The following SULT2B1 variants were observed in gnomAD, a reference collection of about 807,000 sequenced individuals.
SULT2B1 encodes sulfotransferase family 2B member 1, also known as sulfotransferase 2B1.
A neutral mutation model predicts 33.2 loss-of-function variants in SULT2B1; 16 were observed. The observed-to-expected ratio is 0.48, with a 90% confidence interval of 0.33 to 0.73. The LOEUF (loss-of-function observed/expected upper bound fraction) is 0.73, where lower values mean the gene tolerates loss of function less well. SULT2B1 is among the 30% of genes least tolerant of loss of function. The pLI is 0.02. For missense variants in SULT2B1, 500 were observed against 506.0 expected, an observed-to-expected ratio of 0.99 and a Z score of 0.11; for synonymous variants, 186 against 200.5, an observed-to-expected ratio of 0.93 and a Z score of 0.61.
chr19:48,596,515 C>T lies in SULT2B1; in HGVS notation c.646-224C>T, dbSNP rs1210190709. On this transcript the variant is annotated intron_variant, in intron 5 of 6. Coordinates refer to ENST00000201586, the MANE Select transcript of SULT2B1 (RefSeq NM_177973.2). ...CCTGCTGTGACCTCTGCCCCAAGCC[C>T]ACCTATTCCCTCCCACCTAGAGAAC... The T allele has an allele frequency of 1.3e-5, 7 of 533,474 alleles. No individual in the cohort carries two copies. The East Asian group carries it at 2.1e-4, about 16-fold the overall frequency. The allele number at this position is 533,474 out of a possible 1,614,324, so 33.0% of individuals were successfully genotyped here.
At chr19:48,578,786 G>A (rs1973446930) in intron 2 of SULT2B1, among the ~76,000 whole-genome samples, 1 of 152,092 alleles carries the variant, frequency 6.6e-6, no homozygotes, top group South Asian at 2.1e-4. Context: ...TGAGGCAGGA[G>A]AATTGCTTGG....
chr19:48,582,030 G>A (rs1033771247), intron 2 of SULT2B1, among the ~76,000 whole-genome samples: 1 of 151,538 alleles, frequency 6.6e-6, no homozygotes, highest in Non-Finnish European at 1.5e-5. Context: ...TCAACCTCCC[G>A]AGTAGCTGGG....
At chr19:48,561,988 G>A (rs12611192) in intron 1 of SULT2B1, among the ~76,000 whole-genome samples, 22,491 of 151,882 alleles carry the variant, frequency 0.15, 1,914 homozygotes, top group East Asian at 0.39. Flanking sequence ...CATTGCTCAC[G>A]CCTGCAATCC....
chr19:48,557,551 AAAG>A (rs1200832352), intron 1 of SULT2B1, among the ~76,000 whole-genome samples: 2 of 151,868 alleles, frequency 1.3e-5, no homozygotes, highest in African/African-American at 4.8e-5. Context: ...AAAAAAGAAA[AAAG>A]AAATTTAATA....
intron 5 of SULT2B1, among the ~76,000 whole-genome samples, chr19:48,594,400 T>C (rs1024746737): frequency 6.6e-6 from 1 of 152,242 alleles, no homozygotes; most frequent in African/African-American, 2.4e-5. Flanking sequence ...ACATGGCTCT[T>C]GCCTGCAGAC....
intron 2 of SULT2B1, among the ~76,000 whole-genome samples, chr19:48,579,858 C>T (rs1973463604): frequency 6.6e-6 from 1 of 151,490 alleles, no homozygotes; most frequent in Admixed American, 6.6e-5. Flanking sequence ...CCACCTGCCT[C>T]AGCTTCCCGA....
At chr19:48,558,679 CT>C (rs869189397) in intron 1 of SULT2B1, among the ~76,000 whole-genome samples, 3,085 of 106,118 alleles carry the variant, frequency 0.029, 34 homozygotes, top group Middle Eastern at 0.12. Context: ...CTTTTCTTTT[CT>C]TTTTTTTTTT....
At position 48,576,048 on chromosome 19, in the gene SULT2B1, A is replaced by C. The variant is rs753662500; in HGVS notation, c.179A>C (p.Asp60Ala). The change falls in exon 2 of 7, where the codon GAC (aspartate) becomes GCC (alanine). Residue 60 changes from aspartate to alanine, a missense_variant. Transcript: ENST00000201586. ...SLAENTQDVR[D>A]DDIFIITYPK... The stretch of plus-strand genomic sequence containing the variant: ...GCGGAGAACACCCAAGATGTGCGGG[A>C]CGACGACATCTTTATCATCACCTAC... 6.2e-7 allele frequency: 1 copy of C among 1,613,538 alleles called. No homozygotes were observed. Among genetic ancestry groups the C allele is most frequent in the Admixed American group, 1.7e-5 (1 of 59,974 alleles).
intron 2 of SULT2B1, among the ~76,000 whole-genome samples, chr19:48,583,935 A>T (rs1332373525): frequency 6.6e-6 from 1 of 152,160 alleles, no homozygotes; most frequent in African/African-American, 2.4e-5. Flanking sequence ...AACATGGTGA[A>T]ACCCTGTCTC....
intron 2 of SULT2B1, among the ~76,000 whole-genome samples, chr19:48,582,712 G>A (rs10420892): frequency 0.22 from 34,040 of 151,506 alleles, 4,944 homozygotes; most frequent in African/African-American, 0.42. Context: ...GCATGGTGGT[G>A]CGCGCCTGTG....
At chr19:48,558,707 A>G (rs1211171648) in intron 1 of SULT2B1, among the ~76,000 whole-genome samples, 2 of 115,418 alleles carry the variant, frequency 1.7e-5, no homozygotes, top group African/African-American at 8.2e-5. Flanking sequence ...TTTTTGAGAC[A>G]GAGTTTCACT....
At chr19:48,593,679 G>A (rs1973673110) in intron 5 of SULT2B1, among the ~76,000 whole-genome samples, 1 of 151,388 alleles carries the variant, frequency 6.6e-6, no homozygotes, top group African/African-American at 2.4e-5. Context: ...TTGTGGCCCA[G>A]GATGGAGTGC....
chr19:48,585,390 G>A (rs887264107), intron 2 of SULT2B1, among the ~76,000 whole-genome samples: 5 of 151,934 alleles, frequency 3.3e-5, no homozygotes, highest in African/African-American at 4.8e-5. Context: ...AACCTCAGCC[G>A]GGCGCAGTGG....
chr19:48,552,807 G>C lies in SULT2B1; in HGVS notation c.71+484G>C, dbSNP rs1973047067. On this transcript the variant is annotated intron_variant, in intron 1 of 6. Coordinates refer to ENST00000201586, the MANE Select transcript of SULT2B1 (RefSeq NM_177973.2). The surrounding 1 kb of genome is among the most constrained non-coding windows in gnomAD (Gnocchi z 4.8). ...GAGAAGCTGTGTTCTAGGGCACTTG[G>C]GGCGGAGAGGGCAGGCTCTGGACTC... is the stretch of plus-strand genomic sequence containing the variant. 6.6e-6 allele frequency among the ~76,000 whole-genome samples: 1 copy of C among 151,978 alleles called. No homozygotes were observed. The highest frequency in any genetic ancestry group is 2.4e-5 in the African/African-American group (1 of 41,300).
intron 3 of SULT2B1, among the ~76,000 whole-genome samples, chr19:48,589,700 G>A (rs570143168): frequency 9.8e-5 from 15 of 152,310 alleles, no homozygotes; most frequent in African/African-American, 2.9e-4. Flanking sequence ...GGTGGCTCAC[G>A]CCTGAAATCC....
chr19:48,584,766 G>A (rs1481868921), intron 2 of SULT2B1, among the ~76,000 whole-genome samples: 5 of 151,754 alleles, frequency 3.3e-5, no homozygotes, highest in Admixed American at 3.3e-4. Flanking sequence ...TTAGGTGGGC[G>A]CAGGCTGGGC....
At chr19:48,558,679 C>CTTTTTTTTTTTT (rs869189397) in intron 1 of SULT2B1, among the ~76,000 whole-genome samples, 5 of 106,176 alleles carry the variant, frequency 4.7e-5, no homozygotes, top group Admixed American at 1.1e-4. Flanking sequence ...CTTTTCTTTT[C>CTTTTTTTTTTTT]TTTTTTTTTT....
intron 1 of SULT2B1, among the ~76,000 whole-genome samples, chr19:48,573,815 A>T (rs1377246813): frequency 1.3e-5 from 2 of 152,104 alleles, no homozygotes; most frequent in African/African-American, 4.8e-5. Flanking sequence ...AATGGAAGCT[A>T]CAGCGGAGCC....
intron 1 of SULT2B1, 48 bp from the exon 2 acceptor site, chr19:48,575,893 A>G: frequency 6.3e-7 from 1 of 1,582,992 alleles, no homozygotes; most frequent in South Asian, 1.1e-5. Context: ...GAACTCCAGC[A>G]CCCACCTCCC....
Sources: allele counts gnomAD v4.1 joint callset (sites outside exome capture counted in the v4.1 genomes callset), GRCh38; gene constraint gnomAD v4.1.1; non-coding constraint Gnocchi (gnomAD v3.1); transcripts MANE v1.5; gene names NCBI Gene and HGNC (gene_info 2026-07-23, HGNC 2026-07-21).